The following EYS variants were observed in gnomAD, a reference collection of about 807,000 sequenced individuals.
EYS encodes EGF-like photoreceptor maintenance factor.
A neutral mutation model predicts 282.1 loss-of-function variants in EYS; 250 were observed. The ratio of observed to expected loss-of-function variants is 0.89; its 90% confidence interval spans 0.80 to 0.98. The LOEUF (loss-of-function observed/expected upper bound fraction) is 0.98, where lower values mean the gene tolerates loss of function less well. Among genes scored for constraint, EYS ranks in the 50% least tolerant of loss-of-function variants. The pLI is 0.00. For missense variants in EYS, 4,016 were observed against 3,709.0 expected (o/e 1.08, Z -2.15); for synonymous variants, 1,355 against 1,282.9 (o/e 1.06, Z -1.20).
At chr6:64,899,619 T>C (rs1767586357) in intron 18 of EYS, among the ~76,000 whole-genome samples, 1 of 152,054 alleles carries the variant, frequency 6.6e-6, no homozygotes, top group Non-Finnish European at 1.5e-5. Flanking sequence ...ATGAGTAAAC[T>C]CTCATTCATA....
chr6:65,392,648 C>T (rs980877494), intron 7 of EYS, among the ~76,000 whole-genome samples: 4 of 152,178 alleles, frequency 2.6e-5, no homozygotes, highest in African/African-American at 9.6e-5. Context: ...GTTAGAATGG[C>T]AATCATTAAA....
intron 28 of EYS, 47 bp downstream of exon 28, chr6:64,436,127 C>G (rs1025775490): frequency 2.6e-6 from 3 of 1,141,926 alleles, no homozygotes; most frequent in African/African-American, 3.1e-5. Flanking sequence ...TTAGGGATAG[C>G]CTTTGCTACT....
chr6:65,064,547 T>C (rs1276736715), intron 12 of EYS, among the ~76,000 whole-genome samples: 1 of 147,724 alleles, frequency 6.8e-6, no homozygotes, highest in Non-Finnish European at 1.5e-5. Flanking sequence ...TGCTATATAC[T>C]AATATACTCT....
chr6:65,137,065 G>T (rs1407835728), intron 12 of EYS, among the ~76,000 whole-genome samples: 1 of 152,026 alleles, frequency 6.6e-6, no homozygotes, highest in Non-Finnish European at 1.5e-5. Flanking sequence ...GAGATACACA[G>T]ATGAACACAA....
At chr6:64,737,423 A>G (rs1772219752) in intron 22 of EYS, among the ~76,000 whole-genome samples, 1 of 152,230 alleles carries the variant, frequency 6.6e-6, no homozygotes, top group East Asian at 1.9e-4. Flanking sequence ...CTGGTAGAGA[A>G]AAACAATGGT....
intron 10 of EYS, among the ~76,000 whole-genome samples, chr6:65,336,384 C>A (rs1769989926): frequency 6.6e-6 from 1 of 151,574 alleles, no homozygotes; most frequent in South Asian, 2.1e-4. Flanking sequence ...ATGTCAAAAT[C>A]ATTTTTAATA....
intron 22 of EYS, among the ~76,000 whole-genome samples, chr6:64,669,593 A>G (rs529275350): frequency 6.6e-6 from 1 of 152,282 alleles, no homozygotes; most frequent in South Asian, 2.1e-4. Context: ...AAGTGATTGC[A>G]TTTATTTTTA....
At chr6:64,592,044 C>T in intron 25 of EYS, 55 bp from the exon 26 acceptor site, 1 of 1,300,228 alleles carries the variant, frequency 7.7e-7, no homozygotes, top group Non-Finnish European at 1.0e-6. Context: ...AAACGAACCA[C>T]TTTGGCACTG....
intron 35 of EYS, among the ~76,000 whole-genome samples, chr6:63,917,733 T>C (rs1764461731): frequency 6.6e-6 from 1 of 152,228 alleles, no homozygotes; most frequent in South Asian, 2.1e-4. Flanking sequence ...TACACAGCTT[T>C]TATGATGAGT....
At chr6:65,262,383 A>C (rs1268411277) in intron 12 of EYS, among the ~76,000 whole-genome samples, 1 of 152,150 alleles carries the variant, frequency 6.6e-6, no homozygotes, top group Non-Finnish European at 1.5e-5. Context: ...TGTATTACTC[A>C]ATATAATGAA....
intron 2 of EYS, among the ~76,000 whole-genome samples, chr6:65,515,631 G>A (rs1207184186): frequency 6.6e-6 from 1 of 151,960 alleles, no homozygotes; most frequent in Non-Finnish European, 1.5e-5. Context: ...ATGCGTTCAT[G>A]TCCTTTGTAG....
At chr6:64,691,119 A>G (rs1334810172) in intron 22 of EYS, among the ~76,000 whole-genome samples, 1 of 152,158 alleles carries the variant, frequency 6.6e-6, no homozygotes, top group Non-Finnish European at 1.5e-5. Flanking sequence ...TTAAATAACT[A>G]TTAGCAAATT....
intron 22 of EYS, among the ~76,000 whole-genome samples, chr6:64,680,639 G>A (rs747442542): frequency 3.3e-5 from 5 of 152,092 alleles, no homozygotes; most frequent in Non-Finnish European, 7.4e-5. Context: ...AAGAGTTTAC[G>A]GCTTCCTTTT....
At chr6:64,634,631 C>A (rs960981885) in intron 22 of EYS, among the ~76,000 whole-genome samples, 2 of 151,670 alleles carry the variant, frequency 1.3e-5, no homozygotes, top group Non-Finnish European at 2.9e-5. Context: ...AACTGTCCAG[C>A]ACAGCTGGGA....
At chr6:65,395,341 G>T (rs781376965) in intron 7 of EYS, among the ~76,000 whole-genome samples, 3 of 152,174 alleles carry the variant, frequency 2.0e-5, no homozygotes, top group Non-Finnish European at 2.9e-5. Context: ...GGGATTACAG[G>T]CGTGAGCCAC....
At chr6:65,425,211 T>C (rs1032880999) in intron 5 of EYS, among the ~76,000 whole-genome samples, 2 of 152,066 alleles carry the variant, frequency 1.3e-5, no homozygotes, top group Non-Finnish European at 2.9e-5. Context: ...TGGTAAAGGG[T>C]ACATTAAAAT....
At chr6:64,062,362 T>G (rs1308284839) in intron 33 of EYS, among the ~76,000 whole-genome samples, 1 of 152,190 alleles carries the variant, frequency 6.6e-6, no homozygotes, top group Non-Finnish European at 1.5e-5. Flanking sequence ...TCTTCTCTCA[T>G]GTACATTGTA....
At chr6:63,859,062 G>T (rs1465094696) in intron 36 of EYS, among the ~76,000 whole-genome samples, 1 of 97,020 alleles carries the variant, frequency 1.0e-5, no homozygotes, top group African/African-American at 4.4e-5. Context: ...GATTTCCATT[G>T]ATGTCCTAGA....
chr6:64,853,237 T>A (rs1437683338), intron 19 of EYS, among the ~76,000 whole-genome samples: 3 of 152,132 alleles, frequency 2.0e-5, no homozygotes, highest in Non-Finnish European at 2.9e-5. Context: ...AAGAGAAGTA[T>A]ACTCTTGTAA....
Sources: gnomAD v4.1 joint callset for allele counts (sites outside exome capture counted in the v4.1 genomes callset) on GRCh38, gnomAD v4.1.1 for gene constraint, MANE v1.5 for transcripts, NCBI Gene and HGNC (gene_info 2026-07-23, HGNC 2026-07-21) for gene names.